SPINK5: variants seen among roughly 807,000 people sequenced by gnomAD.
The protein encoded by SPINK5 is serine peptidase inhibitor Kazal type 5, also known as serine protease inhibitor Kazal-type 5.
A neutral mutation model predicts 151.8 loss-of-function variants in SPINK5; 125 were observed. That is an observed-to-expected ratio of 0.82 (90% CI 0.71 to 0.96). The LOEUF (loss-of-function observed/expected upper bound fraction) is 0.96. SPINK5 is among the 40% of genes least tolerant of loss of function. The pLI is 0.00. For synonymous variants in SPINK5, 374 were observed against 395.3 expected (o/e 0.95, Z 0.64); for missense variants, 1,194 against 1,291.9 (o/e 0.92, Z 1.16).
intron 15 of SPINK5, among the ~76,000 whole-genome samples, chr5:148,102,680 T>C (rs1037495817): frequency 2.0e-5 from 3 of 152,164 alleles, no homozygotes; most frequent in Non-Finnish European, 4.4e-5. Flanking sequence ...GAAATACATA[T>C]GATTACACAT....
At chr5:148,079,839 G>C (rs1752973793) in intron 4 of SPINK5, among the ~76,000 whole-genome samples, 1 of 151,088 alleles carries the variant, frequency 6.6e-6, no homozygotes, top group African/African-American at 2.4e-5. Context: ...CCTTAGGATT[G>C]AGAAGAAAGC....
Position 148,086,454 on chromosome 5 carries a change from G to A in SPINK5, c.332G>A (p.Cys111Tyr). 6.2e-7 allele frequency: 1 copy of A among 1,611,870 alleles called. No homozygotes were observed. Among genetic ancestry groups the A allele is most frequent in the Non-Finnish European group, 8.5e-7 (1 of 1,178,744 alleles). Reference protein sequence around the residue: ...KKGERDGDFICPDYYEAVCGT... With the variant: ...KKGERDGDFIYPDYYEAVCGT... ...GGAGAAAGAGATGGGGATTTTATCT[G>A]TCCTGATTATTATGAAGCTGTTTGT... is the stretch of plus-strand genomic sequence containing the variant. Residue 111 changes from cysteine (C) to tyrosine (Y), a missense_variant, in exon 5 of 33, where the codon TGT becomes TAT. Physicochemically the swap from Cys to Tyr is radical, Grantham distance 194. Coordinates refer to ENST00000256084, the MANE Select transcript of SPINK5 (RefSeq NM_006846.4).
Position 148,123,512 on chromosome 5 carries a change from A to ATATATATATAT in SPINK5, c.2539-321_2539-320insTATATATATAT, listed in dbSNP as rs1561703850. Among the ~76,000 whole-genome samples the ATATATATATAT allele has an allele frequency of 1.7e-3, 206 of 120,908 alleles. 7 individuals are homozygous for ATATATATATAT. Among genetic ancestry groups the ATATATATATAT allele is most frequent in the African/African-American group, 4.9e-3 (140 of 28,348 alleles). 79.3% of individuals were successfully genotyped at this position (120,908 alleles called of 152,430 possible). ...TGTCCAGCCTGGAGTGCAGTGGTGC[A>ATATATATATAT]ATATATGTGTATATATATATATATA... On this transcript the variant is annotated intron_variant, in intron 26 of 32. Coordinates refer to ENST00000256084, the MANE Select transcript of SPINK5 (RefSeq NM_006846.4).
At chr5:148,090,955 T>A (rs1392744899) in intron 7 of SPINK5, 9 of 565,678 alleles carry the variant, frequency 1.6e-5, no homozygotes, top group Non-Finnish European at 2.8e-5. Flanking sequence ...GAAAGCAAGT[T>A]TCCCAGATAA....
chr5:148,071,038 C>A (rs577187563), intron 3 of SPINK5, among the ~76,000 whole-genome samples: 1 of 152,240 alleles, frequency 6.6e-6, no homozygotes, highest in Non-Finnish European at 1.5e-5. Flanking sequence ...TTACCAATCT[C>A]TATTCAATGC....
rs11405253 is a variant in SPINK5, at chr5:148,099,091, G to GT, written c.1011-141dup. On this transcript the variant is annotated intron_variant, in intron 11 of 32. Transcript: ENST00000256084. Reference sequence around the variant, plus strand: ...ACCATACTATCCTGGAGGATATTTTGTTGCTTCTCATTGATATGCAGTGAT... The same window carrying GT: ...ACCATACTATCCTGGAGGATATTTTGTTTGCTTCTCATTGATATGCAGTGAT... 0.2 allele frequency: 134,083 copies of GT among 680,164 alleles called. 19,834 individuals carry two copies. Among genetic ancestry groups the GT allele is most frequent in the African/African-American group, 0.52 (28,693 of 55,098 alleles). 42.1% of individuals were successfully genotyped at this position (680,164 alleles called of 1,614,324 possible).
At chr5:148,072,104 G>A (rs749789832) in intron 3 of SPINK5, 44 bp from the exon 4 acceptor site, 3 of 1,573,928 alleles carry the variant, frequency 1.9e-6, no homozygotes, top group Admixed American at 3.4e-5. Context: ...GTTAAAAGTT[G>A]AGCAAACAAT....
At chr5:148,103,128 C>A (rs1055085935) in intron 15 of SPINK5, among the ~76,000 whole-genome samples, 1 of 152,050 alleles carries the variant, frequency 6.6e-6, no homozygotes, top group Non-Finnish European at 1.5e-5. Context: ...CACTAAAAAT[C>A]TATTAGAAGG....
chr5:148,113,784 C>T (rs1354262316), intron 20 of SPINK5, among the ~76,000 whole-genome samples: 1 of 152,158 alleles, frequency 6.6e-6, no homozygotes, highest in Non-Finnish European at 1.5e-5. Flanking sequence ...TAGATTCACT[C>T]TTCAACATCT....
At chr5:148,111,644 C>T in intron 18 of SPINK5, 124 bp from the exon 19 acceptor site, 1 of 1,440,996 alleles carries the variant, frequency 6.9e-7, no homozygotes, top group South Asian at 1.2e-5. Context: ...TGGTTACTAT[C>T]AACCTTCAGC....
intron 11 of SPINK5, among the ~76,000 whole-genome samples, chr5:148,098,804 A>T (rs908831313): frequency 1.3e-5 from 2 of 152,026 alleles, no homozygotes; most frequent in African/African-American, 2.4e-5. Flanking sequence ...TTGTAGTCAT[A>T]TCCTGAGATG....
intron 2 of SPINK5, 68 bp downstream of exon 2, chr5:148,065,440 A>C: frequency 6.5e-7 from 1 of 1,536,444 alleles, no homozygotes. Context: ...TTTGTGGCCA[A>C]CACCTTCATG....
rs1296590095 is a variant in SPINK5, at chr5:148,071,445, T to C, written c.210-703T>C. On this transcript the variant is annotated intron_variant, in intron 3 of 32. Transcript: ENST00000256084. ...GCCTAGGGCAGGTTGAATAATTCTTTCTTTTTTTGAAAGCTGAATGTAAAC... is the reference window on the plus strand; with the variant it reads ...GCCTAGGGCAGGTTGAATAATTCTTCCTTTTTTTGAAAGCTGAATGTAAAC... Among the ~76,000 whole-genome samples the C allele has an allele frequency of 7.9e-5, 12 of 152,082 alleles. No homozygotes were observed. The South Asian group carries it at 1.2e-3, about 16-fold the overall frequency.
chr5:148,085,598 G>T (rs996993328), intron 4 of SPINK5, among the ~76,000 whole-genome samples: 2 of 151,794 alleles, frequency 1.3e-5, no homozygotes, highest in African/African-American at 4.8e-5. Context: ...GAAGTGAGTG[G>T]GTGGCAGGTC....
intron 15 of SPINK5, among the ~76,000 whole-genome samples, 184 bp downstream of exon 15, chr5:148,102,092 A>G (rs1581082891): frequency 6.6e-6 from 1 of 152,292 alleles, no homozygotes; most frequent in Middle Eastern, 3.4e-3. Context: ...GCTTTCTATT[A>G]TGATATAAAG....
rs1175492341 is a variant in SPINK5 at position 148,118,986 on chromosome 5, G to A, written c.2241G>A (p.Leu747=). 2.5e-6 allele frequency: 4 copies of A among 1,613,488 alleles called. No individual in the cohort carries two copies. The highest frequency in any genetic ancestry group is 3.4e-6 in the Non-Finnish European group (4 of 1,179,732). ...GAATATTCACTTTTTTCTCCTCCAG[G>A]GAAAGAGAAGCAGAGAGAAAAAATG... ...NNQCTMCKAK[L]EREAERKNEY... The change falls in exon 24 of 33, where the codon TTG becomes TTA. Residue 747 remains leucine (L), a splice_region_variant and synonymous_variant. Coordinates refer to ENST00000256084, the MANE Select transcript of SPINK5 (RefSeq NM_006846.4).
chr5:148,104,848 A>G lies in SPINK5; in HGVS notation c.1431-104A>G. On this transcript the variant is annotated intron_variant, in intron 15 of 32. Coordinates refer to ENST00000256084, the MANE Select transcript of SPINK5 (RefSeq NM_006846.4). ...GAGGTGGAGGTTGCAGTGAGCCGAG[A>G]TCGCGCCACTGCACTCCAGCCTGGG... The G allele has an allele frequency of 3.8e-6, 4 of 1,041,148 alleles. No homozygotes were observed. The South Asian group carries it at 4.4e-5, about 12-fold the overall frequency. 64.5% of individuals were successfully genotyped at this position (1,041,148 alleles called of 1,614,324 possible).
chr5:148,118,634 A>C, intron 23 of SPINK5, 70 bp downstream of exon 23: 101 of 1,574,882 alleles, frequency 6.4e-5, no homozygotes, highest in Middle Eastern at 1.7e-4. Flanking sequence ...GCTATTTCTC[A>C]TTTGCTATGG....
At chr5:148,072,522 C>T (rs1440199875) in intron 4 of SPINK5, among the ~76,000 whole-genome samples, 2 of 151,898 alleles carry the variant, frequency 1.3e-5, no homozygotes, top group African/African-American at 4.8e-5. Context: ...TGTCTTAGCC[C>T]AAAGAAGAGC....
Sources: gnomAD v4.1 joint callset for allele counts (sites outside exome capture counted in the v4.1 genomes callset) on GRCh38, gnomAD v4.1.1 for gene constraint, MANE v1.5 for transcripts, NCBI Gene and HGNC (gene_info 2026-07-23, HGNC 2026-07-21) for gene names.